The following CALML4 variants were observed in gnomAD, a reference collection of about 807,000 sequenced individuals.
The protein encoded by CALML4 is calmodulin like 4.
In CALML4, 16 loss-of-function variants were observed where a neutral mutation model predicts 17.9. That is an observed-to-expected ratio of 0.89 (90% CI 0.61 to 1.36). The LOEUF (loss-of-function observed/expected upper bound fraction) is 1.36, where lower values mean the gene tolerates loss of function less well. Ranked by LOEUF, CALML4 falls within the 40% of genes most tolerant of loss-of-function variation. The pLI is 0.00. For synonymous variants in CALML4, 86 were observed against 71.5 expected (o/e 1.20, Z -1.02); for missense variants, 203 against 194.8 (o/e 1.04, Z -0.25).
At chr15:68,196,385 G>C (rs914920875) in intron 4 of CALML4, among the ~76,000 whole-genome samples, 1 of 152,184 alleles carries the variant, frequency 6.6e-6, no homozygotes, top group Admixed American at 6.5e-5. Flanking sequence ...AAGCGAGGTG[G>C]GAGAAAGGTC....
In CALML4 at chr15:68,197,400, AC is replaced by A; in HGVS notation, c.364+39del. On this transcript the variant is annotated intron_variant, in intron 4 of 4. Coordinates refer to ENST00000467889, the MANE Select transcript of CALML4 (RefSeq NM_033429.3). The surrounding 1 kb of genome is among the most constrained non-coding windows in gnomAD (Gnocchi z 4.1). ...TTGGTGCCCTCCTTCCAACTCCCTA[AC>A]CCCCTCCAACTGTTGGGAGACAGGA... The A allele has an allele frequency of 6.3e-7, 1 of 1,592,942 alleles. No homozygotes were observed. The highest frequency in any genetic ancestry group is 8.6e-7 in the Non-Finnish European group (1 of 1,168,954).
At position 68,200,874 on chromosome 15, in the gene CALML4, CA is replaced by C. The variant is rs2093163457; in HGVS notation, c.35-1194del. Among the ~76,000 whole-genome samples, 1 of 152,196 alleles carries C rather than the reference CA, an allele frequency of 6.6e-6. No homozygotes were observed. The highest frequency in any genetic ancestry group is 1.5e-5 in the Non-Finnish European group (1 of 68,026). Reference sequence around the variant, plus strand: ...CCCACAACCCTGTGATGCGCCCCCTCATATTCCCATGTGCGGACAGGACATT... The same window carrying C: ...CCCACAACCCTGTGATGCGCCCCCTCTATTCCCATGTGCGGACAGGACATT... On this transcript the variant is annotated intron_variant, in intron 2 of 4. Coordinates refer to ENST00000467889, the MANE Select transcript of CALML4 (RefSeq NM_033429.3). The surrounding 1 kb of genome is among the most constrained non-coding windows in gnomAD (Gnocchi z 4.3).
rs1419274502 is a variant in CALML4 at position 68,191,267 on chromosome 15, TTCTC to T, written c.*2744_*2747del. ...ATCTGTGATTCATTGCCTTAAAACT[TTCTC>T]TCTTAGAATTTCCATACCGCATGCC... On this transcript the variant is annotated 3_prime_UTR_variant, in exon 5 of 5. Transcript: ENST00000467889. The T allele has an allele frequency of 3.3e-5, 5 of 152,778 alleles. No homozygotes were observed. Among genetic ancestry groups the T allele is most frequent in the East Asian group, 1.9e-4 (1 of 5,190 alleles). 9.5% of individuals were successfully genotyped at this position (152,778 alleles called of 1,614,324 possible). A position where few individuals can be genotyped will look rare whatever the true frequency, so the allele number is the denominator to read the frequency against.
intron 2 of CALML4, 119 bp from the exon 3 acceptor site, chr15:68,199,800 C>G: frequency 1.8e-6 from 2 of 1,098,878 alleles, no homozygotes; most frequent in Non-Finnish European, 2.6e-6. Context: ...CCCTCCATCC[C>G]TCTCTCCCCT....
chr15:68,195,552 T>TAGAAC (rs2093140670), intron 4 of CALML4, among the ~76,000 whole-genome samples: 1 of 151,964 alleles, frequency 6.6e-6, no homozygotes, highest in African/African-American at 2.4e-5. Flanking sequence ...GACACCTGAG[T>TAGAAC]AGAACAGCCT....
intron 4 of CALML4, among the ~76,000 whole-genome samples, chr15:68,195,538 T>C (rs1485587299): frequency 6.6e-6 from 1 of 152,140 alleles, no homozygotes; most frequent in African/African-American, 2.4e-5. Context: ...GTGCCAAGTC[T>C]GAGGACACCT....
intron 2 of CALML4, among the ~76,000 whole-genome samples, chr15:68,203,230 G>A (rs149499714): frequency 2.4e-4 from 36 of 152,092 alleles, no homozygotes; most frequent in African/African-American, 8.0e-4. Context: ...GATTACAGAC[G>A]TGAGCCACTG....
At chr15:68,196,109 C>T (rs914962874) in intron 4 of CALML4, among the ~76,000 whole-genome samples, 8 of 152,174 alleles carry the variant, frequency 5.3e-5, no homozygotes, top group South Asian at 4.1e-4. Flanking sequence ...AGTGTAGTGG[C>T]GCAAGCTCGG....
In CALML4 at chr15:68,194,016, C is replaced by T; in HGVS notation, c.461G>A (p.Ter154=). The change falls in exon 5 of 5, where the codon TGA becomes TAA. Residue 154 remains the stop codon, a stop_retained_variant. Transcript: ENST00000467889. ...HKITLPGRDY[*] ...GGGAGGCTCTCCCATTCTCCTCCTT[C>T]AATAGTCCCGTCCAGGAAGGGTGAT... 1 of 1,612,376 alleles carries T rather than the reference C, an allele frequency of 6.2e-7. No individual in the cohort carries two copies. Among genetic ancestry groups the T allele is most frequent in the Non-Finnish European group, 8.5e-7 (1 of 1,178,478 alleles).
At position 68,200,935 on chromosome 15, in the gene CALML4, G is replaced by A. The variant is rs919591242; in HGVS notation, c.35-1254C>T. On this transcript the variant is annotated intron_variant, in intron 2 of 4. Transcript: ENST00000467889. The surrounding 1 kb of genome is among the most constrained non-coding windows in gnomAD (Gnocchi z 4.3). ...AACACTGAGAGCCTGGCTGTGGGCA[G>A]CTCTGCCCACCAGGCCACACTGCCT... 1.3e-5 allele frequency among the ~76,000 whole-genome samples: 2 copies of A among 152,138 alleles called. No individual in the cohort carries two copies. The highest frequency in any genetic ancestry group is 4.8e-5 in the African/African-American group (2 of 41,424).
chr15:68,203,323 C>T (rs1044534974), intron 2 of CALML4, among the ~76,000 whole-genome samples: 3 of 152,208 alleles, frequency 2.0e-5, no homozygotes, highest in African/African-American at 7.2e-5. Flanking sequence ...AATGAAGCTG[C>T]GCGCCAATGA....
In CALML4 at chr15:68,191,480, A is replaced by G. The variant is rs532335704; in HGVS notation, c.*2535T>C. 2 of 152,810 alleles carry G rather than the reference A, an allele frequency of 1.3e-5. No homozygotes were observed. The highest frequency in any genetic ancestry group is 4.8e-5 in the African/African-American group (2 of 41,592). 9.5% of individuals were successfully genotyped at this position (152,810 alleles called of 1,614,324 possible). A position where few individuals can be genotyped will look rare whatever the true frequency, so the allele number is the denominator to read the frequency against. On this transcript the variant is annotated 3_prime_UTR_variant, in exon 5 of 5. Transcript: ENST00000467889. ...CTTCAGTTAATTTGTCTTCTGTAAA[A>G]TAACACTGCTGGATGTTCAAGGGGA...
upstream of CALML4, chr15:68,205,914 GCA>G (rs1567093138): frequency 6.0e-6 from 1 of 167,330 alleles, no homozygotes; most frequent in Admixed American, 5.6e-5. This position sits in a 1 kb window ranked among gnomAD's most constrained non-coding sequence, Gnocchi z 4.8. Flanking sequence ...AGTGGCCAGC[GCA>G]CAGCCGGTTC....
upstream of CALML4, chr15:68,205,393 G>A (rs925818607): frequency 6.8e-6 from 11 of 1,613,158 alleles, no homozygotes; most frequent in East Asian, 2.2e-5. The surrounding 1 kb of genome is among the most constrained non-coding windows in gnomAD (Gnocchi z 4.8). Context: ...TGGGCCCGAC[G>A]CCACCAGGGT....
Position 68,192,138 on chromosome 15 carries a change from A to ATCTT in CALML4, c.*1873_*1876dup, listed in dbSNP as rs1352889015. On this transcript the variant is annotated 3_prime_UTR_variant, in exon 5 of 5. Transcript: ENST00000467889. ...ATCATTGGTATCTATCTCCCATCTAATCTTTGGTATTCCAGGTTGGCTGTG... is the reference window on the plus strand; with the variant it reads ...ATCATTGGTATCTATCTCCCATCTAATCTTTCTTTGGTATTCCAGGTTGGCTGTG... The ATCTT allele has an allele frequency of 6.6e-6, 1 of 152,064 alleles. No homozygotes were observed. Among genetic ancestry groups the ATCTT allele is most frequent in the South Asian group, 2.1e-4 (1 of 4,816 alleles). The allele number at this position is 152,064 out of a possible 1,614,324, so 9.4% of individuals were successfully genotyped here. A position where few individuals can be genotyped will look rare whatever the true frequency, so the allele number is the denominator to read the frequency against.
intron 4 of CALML4, among the ~76,000 whole-genome samples, chr15:68,194,628 T>C (rs2093135223): frequency 6.6e-6 from 1 of 151,970 alleles, no homozygotes; most frequent in Non-Finnish European, 1.5e-5. Flanking sequence ...AGGTGAGCCA[T>C]CCACCTCAGC....
Position 68,197,822 on chromosome 15 carries a change from A to G in CALML4, c.176-194T>C. 1 of 572,548 alleles carries G rather than the reference A, an allele frequency of 1.7e-6. No individual in the cohort carries two copies. The highest frequency in any genetic ancestry group is 3.1e-6 in the Non-Finnish European group (1 of 322,234). 35.5% of individuals were successfully genotyped at this position (572,548 alleles called of 1,614,324 possible). A position where few individuals can be genotyped will look rare whatever the true frequency, so the allele number is the denominator to read the frequency against. On this transcript the variant is annotated intron_variant, in intron 3 of 4. Transcript: ENST00000467889. This position sits in a 1 kb window ranked among gnomAD's most constrained non-coding sequence, Gnocchi z 4.1. ...CACGACAGGCCCCTCACTGGACTGGACATTCTTCATTTCAGCAACGTCCTC... is the reference window on the plus strand; with the variant it reads ...CACGACAGGCCCCTCACTGGACTGGGCATTCTTCATTTCAGCAACGTCCTC...
In CALML4 at chr15:68,197,799, C is replaced by T. The variant is rs997508547; in HGVS notation, c.176-171G>A. ...TGCATCCCCTCCCACCGAGTTCCCA[C>T]GACAGGCCCCTCACTGGACTGGACA... On this transcript the variant is annotated intron_variant, in intron 3 of 4. Coordinates refer to ENST00000467889, the MANE Select transcript of CALML4 (RefSeq NM_033429.3). This position sits in a 1 kb window ranked among gnomAD's most constrained non-coding sequence, Gnocchi z 4.1. 2.8e-5 allele frequency: 17 copies of T among 600,226 alleles called. No individual in the cohort carries two copies. The highest frequency in any genetic ancestry group is 5.9e-5 in the Admixed American group (2 of 33,734). The allele number at this position is 600,226 out of a possible 1,614,324, so 37.2% of individuals were successfully genotyped here.
At chr15:68,205,697 A>C (rs1595814872), upstream of CALML4, 5 of 320,848 alleles carry the variant, frequency 1.6e-5, no homozygotes, top group South Asian at 6.9e-5. The surrounding 1 kb of genome is among the most constrained non-coding windows in gnomAD (Gnocchi z 4.8). Context: ...GAGGAAGGGA[A>C]CCCTTCCAAG....
Sources: gnomAD v4.1 joint callset for allele counts (sites outside exome capture counted in the v4.1 genomes callset) on GRCh38, gnomAD v4.1.1 for gene constraint, Gnocchi (gnomAD v3.1) non-coding constraint, MANE v1.5 for transcripts, NCBI Gene and HGNC (gene_info 2026-07-23, HGNC 2026-07-21) for gene names.